The following ABCA5 variants were observed in gnomAD, a reference collection of about 807,000 sequenced individuals.
The protein encoded by ABCA5 is cholesterol transporter ABCA5.
In ABCA5, 163 loss-of-function variants were observed where a neutral mutation model predicts 206.0. That is an observed-to-expected ratio of 0.79 (90% CI 0.70 to 0.90). ABCA5 has a LOEUF of 0.90. Among genes scored for constraint, ABCA5 ranks in the 40% least tolerant of loss-of-function variants. ABCA5 has a pLI of 0.00. For synonymous variants in ABCA5, 609 were observed against 613.8 expected, an observed-to-expected ratio of 0.99 and a Z score of 0.11; for missense variants, 1,859 against 1,912.9, an observed-to-expected ratio of 0.97 and a Z score of 0.53.
intron 12 of ABCA5, 30 bp downstream of exon 12, chr17:69,291,185 AG>A (rs753930642): frequency 2.0e-5 from 21 of 1,030,770 alleles, no homozygotes; most frequent in Non-Finnish European, 2.9e-5. Context: ...TATATAATGA[AG>A]TTTTTTTTTC....
At chr17:69,314,204 A>T (rs2075795162) in intron 2 of ABCA5, 110 bp downstream of exon 2, 1 of 503,422 alleles carries the variant, frequency 2.0e-6, no homozygotes, top group African/African-American at 2.0e-5. Flanking sequence ...AGCAAAGAAA[A>T]ATAAAATTAT....
In ABCA5 at chr17:69,319,017, T is replaced by C. The variant is rs2075841630; in HGVS notation, c.-15-4587A>G. ...TGTCTCCCTCTCAAAAGGGCCTGTT[T>C]TACTATGATGTAAAAATTAAGTCAT... On this transcript the variant is annotated intron_variant, in intron 1 of 38. Coordinates refer to ENST00000392676, the MANE Select transcript of ABCA5 (RefSeq NM_172232.4). 3.8e-5 allele frequency: 17 copies of C among 450,500 alleles called. 1 individual carries two copies. The South Asian group carries it at 4.7e-4, about 13-fold the overall frequency. 27.9% of individuals were successfully genotyped at this position (450,500 alleles called of 1,614,324 possible). A position where few individuals can be genotyped will look rare whatever the true frequency, so the allele number is the denominator to read the frequency against.
Position 69,259,780 on chromosome 17 carries a change from T to C in ABCA5, c.3657A>G (p.Val1219=). 6.2e-7 allele frequency: 1 copy of C among 1,604,802 alleles called. No individual in the cohort carries two copies. The highest frequency in any genetic ancestry group is 8.5e-7 in the Non-Finnish European group (1 of 1,173,298). Residue 1219 remains valine (V), a synonymous_variant, in exon 28 of 39, where the codon GTA becomes GTG. Coordinates refer to ENST00000392676, the MANE Select transcript of ABCA5 (RefSeq NM_172232.4). ...AGTATTGTAAGAGGAAAATCCACAG[T>C]ACACACTGCAGGTAAGGCTAAAAGA... ...VAVISPYLQC[V]LWIFLLQYYE... is the part of the protein sequence containing the mutation.
intron 19 of ABCA5, among the ~76,000 whole-genome samples, chr17:69,274,394 A>G (rs1292950442): frequency 6.6e-6 from 1 of 151,960 alleles, no homozygotes; most frequent in Non-Finnish European, 1.5e-5. Flanking sequence ...AATTTTTGTT[A>G]TTTTTTATAG....
intron 18 of ABCA5, among the ~76,000 whole-genome samples, chr17:69,283,379 T>C (rs1646050753): frequency 6.6e-6 from 1 of 152,202 alleles, no homozygotes; most frequent in East Asian, 1.9e-4. Flanking sequence ...ATAATACTCT[T>C]ATCATTCAAC....
At chr17:69,289,000 G>A (rs2075494696) in intron 14 of ABCA5, among the ~76,000 whole-genome samples, 177 bp downstream of exon 14, 1 of 152,024 alleles carries the variant, frequency 6.6e-6, no homozygotes, top group Admixed American at 6.6e-5. Flanking sequence ...ATTAAAAAAA[G>A]TTATACATCT....
intron 10 of ABCA5, among the ~76,000 whole-genome samples, chr17:69,296,290 T>A: frequency 6.6e-6 from 1 of 152,186 alleles, no homozygotes. Flanking sequence ...ATCTTAAGTA[T>A]TTTGACTTTC....
chr17:69,274,568 C>A (rs1858039923), intron 19 of ABCA5, among the ~76,000 whole-genome samples: 1 of 147,486 alleles, frequency 6.8e-6, no homozygotes, highest in Non-Finnish European at 1.5e-5. Context: ...AAGATAATCA[C>A]TGAAAAAAAC....
chr17:69,314,471 G>A (rs930546552), intron 1 of ABCA5, 41 bp from the exon 2 acceptor site: 166 of 1,179,924 alleles, frequency 1.4e-4, no homozygotes, highest in Non-Finnish European at 1.9e-4. Context: ...CCGGAGCCAC[G>A]CAGTAAACTG....
At chr17:69,292,090 C>G (rs1172429104) in intron 11 of ABCA5, among the ~76,000 whole-genome samples, 1 of 152,006 alleles carries the variant, frequency 6.6e-6, no homozygotes, top group East Asian at 1.9e-4. Context: ...GCCTGGGGGA[C>G]AGAGCAAGAC....
rs759847215 is a variant in ABCA5 at position 69,284,023 on chromosome 17, A to G, written c.2322T>C (p.Tyr774=). ...DSHSNLGVIS[Y]GVSMTTLEDV... is the part of the protein sequence containing the mutation. ...CTTCCAAAGTCGTCATGGAAACACC[A>G]TAAGAAATGACACCCAAATTTGAAT... Residue 774 remains tyrosine, a synonymous_variant, in exon 18 of 39, where the codon TAT becomes TAC. Coordinates refer to ENST00000392676, the MANE Select transcript of ABCA5 (RefSeq NM_172232.4). 19 of 1,606,958 alleles carry G rather than the reference A, an allele frequency of 1.2e-5. No homozygotes were observed. The highest frequency in any genetic ancestry group is 5.6e-5 in the South Asian group (5 of 89,370).
At chr17:69,302,592 C>A in intron 8 of ABCA5, 126 bp downstream of exon 8, 1 of 531,816 alleles carries the variant, frequency 1.9e-6, no homozygotes, top group Non-Finnish European at 2.9e-6. Flanking sequence ...GAAATCATTT[C>A]TTCCTCATGC....
chr17:69,314,690 A>G (rs1450494832), intron 1 of ABCA5: 6 of 314,756 alleles, frequency 1.9e-5, no homozygotes, highest in African/African-American at 4.3e-5. Context: ...CTCCTTTGGT[A>G]TCTCCCGAAC....
chr17:69,264,624 C>A lies in ABCA5; in HGVS notation c.3315+111G>T, dbSNP rs975017075. The A allele has an allele frequency of 1.4e-5, 10 of 704,448 alleles. No homozygotes were observed. The African/African-American group carries it at 1.7e-4, about 12-fold the overall frequency. The allele number at this position is 704,448 out of a possible 1,614,324, so 43.6% of individuals were successfully genotyped here. A position where few individuals can be genotyped will look rare whatever the true frequency, so the allele number is the denominator to read the frequency against. ...ATACCAGACACACTTGCTCTATTTTCTTTAACAAATTAATAACCAAATTAT... is the reference window on the plus strand; with the variant it reads ...ATACCAGACACACTTGCTCTATTTTATTTAACAAATTAATAACCAAATTAT... On this transcript the variant is annotated intron_variant, in intron 24 of 38. Coordinates refer to ENST00000392676, the MANE Select transcript of ABCA5 (RefSeq NM_172232.4).
At chr17:69,257,574 C>T (rs2075097891) in intron 28 of ABCA5, among the ~76,000 whole-genome samples, 1 of 151,348 alleles carries the variant, frequency 6.6e-6, no homozygotes, top group Non-Finnish European at 1.5e-5. Flanking sequence ...AGAATTTTGG[C>T]TATGAAAGGA....
At chr17:69,310,466 G>T (rs1036939641) in intron 3 of ABCA5, among the ~76,000 whole-genome samples, 4 of 152,036 alleles carry the variant, frequency 2.6e-5, no homozygotes, top group Non-Finnish European at 5.9e-5. Context: ...GTAAATATAT[G>T]AATTTTTTAT....
chr17:69,271,542 A>G (rs892361516), intron 20 of ABCA5, among the ~76,000 whole-genome samples: 13 of 152,214 alleles, frequency 8.5e-5, no homozygotes, highest in Non-Finnish European at 1.9e-4. Context: ...TAAAATAAGT[A>G]TATCTGCCTT....
intron 20 of ABCA5, among the ~76,000 whole-genome samples, chr17:69,273,596 C>CA (rs2075297791): frequency 6.6e-6 from 1 of 151,964 alleles, no homozygotes; most frequent in African/African-American, 2.4e-5. Flanking sequence ...CCTGAGACTA[C>CA]AGGCGCGTGC....
In ABCA5 at chr17:69,246,980, C is replaced by T. The variant is rs1457115951; in HGVS notation, c.*557G>A. 6.6e-6 allele frequency: 1 copy of T among 151,926 alleles called. No individual in the cohort carries two copies. The highest frequency in any genetic ancestry group is 2.4e-5 in the African/African-American group (1 of 41,424). 9.4% of individuals were successfully genotyped at this position (151,926 alleles called of 1,614,324 possible). A position where few individuals can be genotyped will look rare whatever the true frequency, so the allele number is the denominator to read the frequency against. On this transcript the variant is annotated 3_prime_UTR_variant, in exon 39 of 39. Transcript: ENST00000392676. ...CACTTATTATGATCAATGACTGCCA[C>T]CTAGTGGATATAACTTTCCTCAAAT...
Sources: gnomAD v4.1 joint callset for allele counts (sites outside exome capture counted in the v4.1 genomes callset) on GRCh38, gnomAD v4.1.1 for gene constraint, MANE v1.5 for transcripts, NCBI Gene and HGNC (gene_info 2026-07-23, HGNC 2026-07-21) for gene names.